Variants in ASAP1 observed in about 807,000 individuals in gnomAD.
ASAP1 encodes the protein arf-GAP with SH3 domain, ANK repeat and PH domain-containing protein 1.
Under a neutral mutation model 145.2 loss-of-function variants are expected in ASAP1, and 43 were observed. The observed-to-expected ratio is 0.30, with a 90% CI of 0.23 to 0.38. The LOEUF is 0.38. Among genes scored for constraint, ASAP1 ranks in the 10% least tolerant of loss-of-function variants. The pLI, the probability that ASAP1 is intolerant of heterozygous loss-of-function variation, is 1.00. For synonymous variants in ASAP1, 546 were observed against 515.5 expected, an observed-to-expected ratio of 1.06 and a Z score of -0.80; for missense variants, 1,018 against 1,355.3, an observed-to-expected ratio of 0.75 and a Z score of 3.91.
At chr8:130,399,911 G>A (rs540209513) in intron 2 of ASAP1, among the ~76,000 whole-genome samples, 4 of 150,380 alleles carry the variant, frequency 2.7e-5, no homozygotes, top group African/African-American at 7.3e-5. Flanking sequence ...CCTCTGCCTC[G>A]CGGGTTCAAG....
At chr8:130,136,309 C>T (rs2097594632) in intron 14 of ASAP1, among the ~76,000 whole-genome samples, 1 of 152,170 alleles carries the variant, frequency 6.6e-6, no homozygotes, top group Non-Finnish European at 1.5e-5. Context: ...GCTCATTACG[C>T]TCTCTCATCA....
intron 1 of ASAP1, among the ~76,000 whole-genome samples, chr8:130,415,477 TA>T (rs1309946902): frequency 3.3e-5 from 5 of 151,584 alleles, no homozygotes; most frequent in Admixed American, 6.6e-5. Flanking sequence ...CCCTGTCTCT[TA>T]AAAAAACAAA....
intron 25 of ASAP1, among the ~76,000 whole-genome samples, chr8:130,080,280 G>A (rs1235008774): frequency 6.6e-6 from 1 of 152,132 alleles, no homozygotes; most frequent in Non-Finnish European, 1.5e-5. Context: ...TTAGTTTGAG[G>A]GTAGAGAAAG....
At chr8:130,154,166 C>T (rs976960841) in intron 12 of ASAP1, among the ~76,000 whole-genome samples, 3 of 152,142 alleles carry the variant, frequency 2.0e-5, no homozygotes, top group African/African-American at 4.8e-5. Context: ...GTAACTCATA[C>T]ACCACCCCTT....
chr8:130,406,708 C>T (rs372370074), intron 1 of ASAP1, among the ~76,000 whole-genome samples: 21 of 152,190 alleles, frequency 1.4e-4, no homozygotes, highest in African/African-American at 5.1e-4. Flanking sequence ...ATCTCGAACT[C>T]CTGACCTCAG....
chr8:130,132,869 T>G (rs978793840), intron 15 of ASAP1, among the ~76,000 whole-genome samples: 6 of 152,240 alleles, frequency 3.9e-5, no homozygotes, highest in African/African-American at 1.4e-4. Context: ...GTATCTTTTC[T>G]ACCCATGTTC....
At chr8:130,376,555 G>A (rs1586934581) in intron 2 of ASAP1, among the ~76,000 whole-genome samples, 1 of 152,144 alleles carries the variant, frequency 6.6e-6, no homozygotes, top group Admixed American at 6.5e-5. Flanking sequence ...GTGAAACCCC[G>A]TCGCTACTAA....
chr8:130,428,190 T>C (rs577640749), intron 1 of ASAP1, among the ~76,000 whole-genome samples: 1 of 152,166 alleles, frequency 6.6e-6, no homozygotes, highest in Non-Finnish European at 1.5e-5. Context: ...CTCTTCAGTG[T>C]CCATCTCACT....
At position 130,091,976 on chromosome 8, in the gene ASAP1, A is replaced by G. The variant is rs1309329560; in HGVS notation, c.2569T>C (p.Trp857Arg). 2 of 1,548,946 alleles carry G rather than the reference A, an allele frequency of 1.3e-6. No individual in the cohort carries two copies. Among genetic ancestry groups the G allele is most frequent in the Admixed American group, 2.1e-5 (1 of 46,666 alleles). The change falls in exon 25 of 30, where the codon TGG (tryptophan) becomes CGG (arginine). Residue 857 changes from tryptophan to arginine, a missense_variant. Trp to Arg is a moderately radical substitution (Grantham distance 101). Around this residue, in one of 9 missense-constraint regions of ASAP1, gnomAD observed 353 missense variants for 375.4 expected, o/e 0.94. Transcript: ENST00000518721. ...CCCTGACTTTAGGATAACTTACCCC[A>G]AGGAACTGCGCCTTTGTTTGGGGGC... The part of the protein sequence containing the change: ...HGPPNKGAVP[W>R]GNDGGPSSSS...
intron 12 of ASAP1, 138 bp from the exon 13 acceptor site, chr8:130,152,943 G>A (rs2097649695): frequency 1.7e-6 from 1 of 585,872 alleles, no homozygotes; most frequent in Admixed American, 3.2e-5. Flanking sequence ...AAAAATCCTG[G>A]TTGCCTTTTA....
At chr8:130,261,219 C>T (rs557998578) in intron 3 of ASAP1, among the ~76,000 whole-genome samples, 5 of 152,216 alleles carry the variant, frequency 3.3e-5, no homozygotes, top group South Asian at 2.1e-4. Context: ...GTGTGTATGG[C>T]GATGTATGTG....
chr8:130,097,126 C>CAAAAAAAAAAA (rs61591724), intron 24 of ASAP1, among the ~76,000 whole-genome samples: 14 of 53,592 alleles, frequency 2.6e-4, no homozygotes, highest in South Asian at 1.9e-3. Context: ...AGTTAGTCTC[C>CAAAAAAAAAAA]AAAAAAAAAA....
At chr8:130,322,087 T>C (rs899082184) in intron 3 of ASAP1, among the ~76,000 whole-genome samples, 1 of 152,244 alleles carries the variant, frequency 6.6e-6, no homozygotes, top group African/African-American at 2.4e-5. Context: ...TCTTCATCTC[T>C]AGAGATTTTT....
intron 11 of ASAP1, chr8:130,163,120 C>T (rs1277260381): frequency 6.1e-6 from 1 of 164,432 alleles, no homozygotes. Context: ...AGAATGGCTC[C>T]CACATGTGGC....
At chr8:130,136,798 C>T (rs375463150) in intron 14 of ASAP1, among the ~76,000 whole-genome samples, 153 bp downstream of exon 14, 4 of 152,172 alleles carry the variant, frequency 2.6e-5, no homozygotes, top group African/African-American at 4.8e-5. Context: ...ATTAAGAGAC[C>T]TGGGGCATCT....
chr8:130,428,291 A>G (rs1402621915), intron 1 of ASAP1, among the ~76,000 whole-genome samples: 1 of 151,160 alleles, frequency 6.6e-6, no homozygotes, highest in Non-Finnish European at 1.5e-5. Context: ...CATGTCTAAA[A>G]TATAAAATTG....
intron 2 of ASAP1, among the ~76,000 whole-genome samples, chr8:130,361,468 C>A (rs1420659376): frequency 6.6e-6 from 1 of 152,208 alleles, no homozygotes; most frequent in Non-Finnish European, 1.5e-5. Context: ...TCTTTCTTGA[C>A]TGAATTCACC....
At chr8:130,079,577 T>C (rs1325173837) in intron 26 of ASAP1, among the ~76,000 whole-genome samples, 2 of 152,038 alleles carry the variant, frequency 1.3e-5, no homozygotes, top group African/African-American at 2.4e-5. Context: ...GATTAAAATA[T>C]CAAAAATAAA....
rs545425734 is a variant in ASAP1 at position 130,159,011 on chromosome 8, G to A, written c.1010+853C>T. 5.3e-5 allele frequency among the ~76,000 whole-genome samples: 8 copies of A among 152,178 alleles called. No individual in the cohort carries two copies. In the East Asian group the frequency reaches 9.7e-4, roughly 19 times the overall value. ...CTCCCAAAGTGCTGGGATTACAGGC[G>A]TGAGCCACCGCGCCCGGCTGTGCTT... On this transcript the variant is annotated intron_variant, in intron 12 of 29. Coordinates refer to ENST00000518721, the MANE Select transcript of ASAP1 (RefSeq NM_018482.4).
Sources: gnomAD v4.1 joint callset for allele counts (sites outside exome capture counted in the v4.1 genomes callset) on GRCh38, gnomAD v4.1.1 for gene constraint, gnomAD v4.1.1 regional missense constraint, MANE v1.5 for transcripts, NCBI Gene and HGNC (gene_info 2026-07-23, HGNC 2026-07-21) for gene names.